The following SIPA1L3 variants were observed in gnomAD, a reference collection of about 807,000 sequenced individuals.
SIPA1L3 encodes signal-induced proliferation-associated 1-like protein 3.
A neutral mutation model predicts 150.1 loss-of-function variants in SIPA1L3; 59 were observed. That is an observed-to-expected ratio of 0.39 (90% CI 0.32 to 0.49). The LOEUF (loss-of-function observed/expected upper bound fraction) is 0.49, where lower values mean the gene tolerates loss of function less well. SIPA1L3 is among the 20% of genes least tolerant of loss of function. The pLI is 0.86. For synonymous variants in SIPA1L3, 1,070 were observed against 1,077.6 expected (o/e 0.99, Z 0.14); for missense variants, 2,211 against 2,489.5 (o/e 0.89, Z 2.38).
intron 15 of SIPA1L3, among the ~76,000 whole-genome samples, chr19:38,180,522 T>A (rs2146020159): frequency 7.3e-6 from 1 of 137,244 alleles, no homozygotes; most frequent in East Asian, 2.1e-4. Flanking sequence ...CTTAGCATTT[T>A]TCTTTTTTTC....
intron 1 of SIPA1L3, among the ~76,000 whole-genome samples, chr19:37,930,185 C>T (rs148325169): frequency 4.6e-5 from 7 of 152,150 alleles, no homozygotes; most frequent in East Asian, 1.9e-4. Context: ...CCACCACACC[C>T]GGCTATTTTG....
chr19:37,917,018 T>C (rs909248550), intron 1 of SIPA1L3, among the ~76,000 whole-genome samples: 5 of 152,096 alleles, frequency 3.3e-5, no homozygotes, highest in African/African-American at 9.7e-5. Context: ...AATTTTCTAG[T>C]AGCCATATTT....
intron 2 of SIPA1L3, among the ~76,000 whole-genome samples, chr19:38,074,840 C>T (rs1163837323): frequency 6.6e-6 from 1 of 152,224 alleles, no homozygotes; most frequent in Non-Finnish European, 1.5e-5. Context: ...TCACAGCCCA[C>T]TGCAGCCTTG....
At chr19:37,951,349 G>A (rs1042012706) in intron 1 of SIPA1L3, among the ~76,000 whole-genome samples, 39 of 152,326 alleles carry the variant, frequency 2.6e-4, no homozygotes, top group Admixed American at 2.2e-3. Context: ...TTTATCTTCA[G>A]TTTTGGGAGA....
Position 38,206,089 on chromosome 19 carries a change from CTG to C in SIPA1L3, c.5203-5_5203-4del. On this transcript the variant is annotated splice_region_variant and splice_polypyrimidine_tract_variant and intron_variant, in intron 21 of 21. Transcript: ENST00000222345. ...ACCCGCCTGATGCCAGCTTCCCACC[CTG>C]TGCAGGAGAAGCAGGACAAGGTGGT... 1 of 1,537,546 alleles carries C rather than the reference CTG, an allele frequency of 6.5e-7. No individual in the cohort carries two copies. Among genetic ancestry groups the C allele is most frequent in the Non-Finnish European group, 8.8e-7 (1 of 1,138,100 alleles).
chr19:38,034,346 TG>T (rs2145726906), intron 2 of SIPA1L3, among the ~76,000 whole-genome samples: 1 of 152,278 alleles, frequency 6.6e-6, no homozygotes, highest in African/African-American at 2.4e-5. Context: ...ATTCAGTTCT[TG>T]TAACTACCCT....
At chr19:38,162,209 C>G in intron 13 of SIPA1L3, 44 bp from the exon 14 acceptor site, 1 of 1,513,708 alleles carries the variant, frequency 6.6e-7, no homozygotes, top group Non-Finnish European at 9.2e-7. Context: ...AGGCCCTGGC[C>G]TGAGTCACTC....
At chr19:38,053,611 T>C (rs905010999) in intron 2 of SIPA1L3, among the ~76,000 whole-genome samples, 5 of 151,958 alleles carry the variant, frequency 3.3e-5, no homozygotes, top group African/African-American at 1.2e-4. Flanking sequence ...GGCTGGAGTG[T>C]AGTGGTGCAA....
At chr19:38,142,770 T>C (rs1971622058) in intron 12 of SIPA1L3, 60 bp downstream of exon 12, 3 of 1,551,850 alleles carry the variant, frequency 1.9e-6, no homozygotes, top group Non-Finnish European at 2.6e-6. Flanking sequence ...GCCTCCTTCT[T>C]CCCCAGCAAA....
At chr19:38,130,370 A>C in intron 9 of SIPA1L3, 128 bp from the exon 10 acceptor site, 75 of 848,192 alleles carry the variant, frequency 8.8e-5, no homozygotes, top group Non-Finnish European at 1.3e-4. Flanking sequence ...CCCTGCCATC[A>C]CCCGGGAAGG....
At chr19:38,020,402 A>G (rs1288008134) in intron 1 of SIPA1L3, among the ~76,000 whole-genome samples, 1 of 152,206 alleles carries the variant, frequency 6.6e-6, no homozygotes, top group Admixed American at 6.5e-5. Flanking sequence ...TCTGTCTTCC[A>G]TCTGATTAGC....
chr19:38,038,792 G>T (rs1195646670), intron 2 of SIPA1L3, among the ~76,000 whole-genome samples: 1 of 152,158 alleles, frequency 6.6e-6, no homozygotes, highest in Admixed American at 6.5e-5. Context: ...GAAATCCCAA[G>T]GCCTGGGTCT....
chr19:38,192,667 A>C (rs1972830222), intron 17 of SIPA1L3, among the ~76,000 whole-genome samples: 1 of 152,102 alleles, frequency 6.6e-6, no homozygotes, highest in African/African-American at 2.4e-5. Context: ...GGGCTCCCAG[A>C]GGAAGTTCAG....
intron 2 of SIPA1L3, among the ~76,000 whole-genome samples, chr19:38,060,452 C>A (rs1308923479): frequency 6.6e-6 from 1 of 152,144 alleles, no homozygotes; most frequent in African/African-American, 2.4e-5. Flanking sequence ...TTGAAAGGAT[C>A]ACGTTCAGTA....
chr19:38,174,811 G>A (rs1185436343), intron 15 of SIPA1L3, among the ~76,000 whole-genome samples: 1 of 151,468 alleles, frequency 6.6e-6, no homozygotes, highest in Non-Finnish European at 1.5e-5. Flanking sequence ...TCCAGCCTGG[G>A]TGACAGAACT....
intron 4 of SIPA1L3, among the ~76,000 whole-genome samples, chr19:38,090,973 C>T (rs1255546849): frequency 1.3e-5 from 2 of 152,240 alleles, no homozygotes; most frequent in Non-Finnish European, 2.9e-5. Context: ...CCTCCCTCTA[C>T]CCACCTTTCT....
intron 1 of SIPA1L3, among the ~76,000 whole-genome samples, chr19:37,935,295 T>C (rs1234145764): frequency 6.6e-6 from 1 of 152,240 alleles, no homozygotes; most frequent in Non-Finnish European, 1.5e-5. Context: ...TCATGTTTTT[T>C]CATATTAACA....
chr19:38,175,079 C>T (rs577261498), intron 15 of SIPA1L3, among the ~76,000 whole-genome samples: 2 of 152,202 alleles, frequency 1.3e-5, no homozygotes, highest in East Asian at 3.9e-4. Flanking sequence ...GGCTCTTATC[C>T]CCCACTAGCT....
chr19:38,099,311 A>G (rs1441005133), intron 4 of SIPA1L3, among the ~76,000 whole-genome samples: 1 of 148,750 alleles, frequency 6.7e-6, no homozygotes, highest in East Asian at 2.0e-4. Context: ...TGCTGGGGTT[A>G]CAGGTGTGAG....
Sources: gnomAD v4.1 joint callset for allele counts (sites outside exome capture counted in the v4.1 genomes callset) on GRCh38, gnomAD v4.1.1 for gene constraint, MANE v1.5 for transcripts, NCBI Gene and HGNC (gene_info 2026-07-23, HGNC 2026-07-21) for gene names.